Variants in GNG7 observed in about 807,000 individuals in gnomAD.
GNG7 encodes G protein subunit gamma 7.
Under a neutral mutation model 4.0 loss-of-function variants are expected in GNG7, and 1 was observed. The observed-to-expected ratio is 0.25, with a 90% CI of 0.09 to 1.18. The LOEUF (loss-of-function observed/expected upper bound fraction) is 1.18. Ranked by LOEUF, GNG7 falls within the 50% of genes most tolerant of loss-of-function variation. The pLI, the probability that GNG7 is intolerant of heterozygous loss-of-function variation, is 0.50. For synonymous variants in GNG7, 34 were observed against 36.9 expected (o/e 0.92, Z 0.29); for missense variants, 86 against 91.9 (o/e 0.94, Z 0.26).
At position 2,633,475 on chromosome 19, in the gene GNG7, G is replaced by A. The variant is rs905524800; in HGVS notation, c.-78+12749C>T. 3.4e-5 allele frequency among the ~76,000 whole-genome samples: 2 copies of A among 59,022 alleles called. No individual in the cohort carries two copies. Among genetic ancestry groups the A allele is most frequent in the Middle Eastern group, 0.012 (1 of 82 alleles). 38.7% of individuals were successfully genotyped at this position (59,022 alleles called of 152,430 possible). ...CAAGCGGTTGCTTAGCAACAGGCGC[G>A]CGCGCGCGCGCGCACACACACACAC... is the stretch of plus-strand genomic sequence containing the variant. On this transcript the variant is annotated intron_variant, in intron 2 of 4. Transcript: ENST00000382159. The surrounding 1 kb of genome is among the most constrained non-coding windows in gnomAD (Gnocchi z 5.9).
At chr19:2,558,831 T>C (rs908768871) in intron 2 of GNG7, among the ~76,000 whole-genome samples, 3 of 151,268 alleles carry the variant, frequency 2.0e-5, no homozygotes, top group Middle Eastern at 3.4e-3. Flanking sequence ...ACAGGTGTCA[T>C]TTTGTCACCC....
rs1555700507 is a variant in GNG7, at chr19:2,651,575, C to CTCTTTT, written c.-134-5296_-134-5295insAAAAGA. 9.0e-3 allele frequency among the ~76,000 whole-genome samples: 1,131 copies of CTCTTTT among 125,152 alleles called. 5 individuals carry two copies. Among genetic ancestry groups the CTCTTTT allele is most frequent in the Middle Eastern group, 0.026 (6 of 230 alleles). 82.1% of individuals were successfully genotyped at this position (125,152 alleles called of 152,430 possible). A position where few individuals can be genotyped will look rare whatever the true frequency, so the allele number is the denominator to read the frequency against. On this transcript the variant is annotated intron_variant, in intron 1 of 4. Transcript: ENST00000382159. Reference sequence around the variant, plus strand: ...TCCCTTTCTCTCTCTCTCTCTCTCTCTTTTTTTTTTAAGACAGTCTCACTC... The same window carrying CTCTTTT: ...TCCCTTTCTCTCTCTCTCTCTCTCTCTCTTTTTTTTTTTTTTAAGACAGTCTCACTC...
At chr19:2,559,433 C>G in intron 2 of GNG7, among the ~76,000 whole-genome samples, 1 of 151,358 alleles carries the variant, frequency 6.6e-6, no homozygotes, top group Non-Finnish European at 1.5e-5. Context: ...CTCACTGCAG[C>G]CTCAGTCTCC....
At chr19:2,668,907 C>T (rs1037490544) in intron 1 of GNG7, among the ~76,000 whole-genome samples, 7 of 152,210 alleles carry the variant, frequency 4.6e-5, no homozygotes, top group Middle Eastern at 3.4e-3. Flanking sequence ...ACCCCTCAAC[C>T]GCAAATGTCC....
At chr19:2,547,972 C>T (rs973474069) in intron 3 of GNG7, among the ~76,000 whole-genome samples, 3 of 152,318 alleles carry the variant, frequency 2.0e-5, no homozygotes, top group East Asian at 1.9e-4. Flanking sequence ...GGATGGACCT[C>T]GAGCCTGGGG....
chr19:2,667,454 A>C (rs1055975224), intron 1 of GNG7, among the ~76,000 whole-genome samples: 2 of 152,118 alleles, frequency 1.3e-5, no homozygotes. Flanking sequence ...TGTGCTCGCC[A>C]GAAAACCTCG....
chr19:2,599,806 G>T (rs2144810814), intron 2 of GNG7, among the ~76,000 whole-genome samples: 1 of 152,098 alleles, frequency 6.6e-6, no homozygotes, highest in East Asian at 1.9e-4. Context: ...GGGTGGTGGT[G>T]CTGGCCTGTG....
chr19:2,513,204 C>T lies in GNG7; in HGVS notation c.*1818G>A. On this transcript the variant is annotated 3_prime_UTR_variant, in exon 5 of 5. Coordinates refer to ENST00000382159, the MANE Select transcript of GNG7 (RefSeq NM_052847.3). ...GCAGTCACCAGCTCAGGAAGTGAGC[C>T]AAGCAGGGATCCCCGCCTCACGGGC... The T allele has an allele frequency of 1.1e-6, 1 of 884,930 alleles. No individual in the cohort carries two copies. Among genetic ancestry groups the T allele is most frequent in the South Asian group, 5.2e-5 (1 of 19,334 alleles). The allele number at this position is 884,930 out of a possible 1,614,324, so 54.8% of individuals were successfully genotyped here.
chr19:2,696,314 G>GAA (rs1203851479), intron 1 of GNG7, among the ~76,000 whole-genome samples: 1 of 125,694 alleles, frequency 8.0e-6, no homozygotes, highest in African/African-American at 3.3e-5. Context: ...AAGAAAGAAA[G>GAA]AAAGAAAGAA....
chr19:2,524,654 G>T (rs1403339393), intron 3 of GNG7, among the ~76,000 whole-genome samples: 5 of 152,250 alleles, frequency 3.3e-5, no homozygotes, highest in African/African-American at 4.8e-5. Flanking sequence ...ACATCTACGT[G>T]TGTGCGTCTG....
At chr19:2,556,645 C>G (rs1979553821) in intron 2 of GNG7, among the ~76,000 whole-genome samples, 1 of 152,154 alleles carries the variant, frequency 6.6e-6, no homozygotes, top group Admixed American at 6.5e-5. Flanking sequence ...GGCGGGAAGC[C>G]TCCTCACCTT....
At chr19:2,610,976 G>C (rs1436327641) in intron 2 of GNG7, 4 of 121,802 alleles carry the variant, frequency 3.3e-5, no homozygotes, top group African/African-American at 1.2e-4. Context: ...GCGGGTGGGA[G>C]GGGGGGAACG....
chr19:2,667,228 G>A (rs1352744418), intron 1 of GNG7, among the ~76,000 whole-genome samples: 2 of 151,842 alleles, frequency 1.3e-5, no homozygotes, highest in Non-Finnish European at 2.9e-5. Flanking sequence ...AGGCTGAGGC[G>A]GCAGAATCGC....
chr19:2,678,047 A>G (rs1258075181), intron 1 of GNG7, among the ~76,000 whole-genome samples: 2 of 152,112 alleles, frequency 1.3e-5, no homozygotes, highest in Non-Finnish European at 2.9e-5. Flanking sequence ...TAACCCTGCC[A>G]CCTGTGCTGA....
At chr19:2,696,184 A>AGGAGAGAGAGG (rs1324312741) in intron 1 of GNG7, among the ~76,000 whole-genome samples, 3 of 144,896 alleles carry the variant, frequency 2.1e-5, no homozygotes, top group South Asian at 4.4e-4. Context: ...AAAGAGAGAG[A>AGGAGAGAGAGG]GGAGAGAGAG....
chr19:2,682,504 A>T (rs1017671479), intron 1 of GNG7, among the ~76,000 whole-genome samples: 1 of 150,122 alleles, frequency 6.7e-6, no homozygotes, highest in Non-Finnish European at 1.5e-5. Flanking sequence ...CTCTACTAGA[A>T]ATACAAAAAT....
rs1363122383 is a variant in GNG7, at chr19:2,616,578, A to T, written c.-78+29646T>A. On this transcript the variant is annotated intron_variant, in intron 2 of 4. Transcript: ENST00000382159. ...GATCACCTCAGGTCAGGAGTTTGAG[A>T]CCAGCCTGACCAACAGGGAGAAACC... is the stretch of plus-strand genomic sequence containing the variant. Among the ~76,000 whole-genome samples the T allele has an allele frequency of 2.0e-5, 3 of 152,104 alleles. No individual in the cohort carries two copies. The East Asian group carries it at 5.8e-4, about 29-fold the overall frequency.
At position 2,514,959 on chromosome 19, in the gene GNG7, A is replaced by G. The variant is rs1972710259; in HGVS notation, c.*63T>C. On this transcript the variant is annotated 3_prime_UTR_variant, in exon 5 of 5. Transcript: ENST00000382159. ...CTGAATGATGCCCTGCCTGAGACAGAGACAGAGACAGAGAGAGAGAGAGAG... is the reference window on the plus strand; with the variant it reads ...CTGAATGATGCCCTGCCTGAGACAGGGACAGAGACAGAGAGAGAGAGAGAG... 19 of 1,348,178 alleles carry G rather than the reference A, an allele frequency of 1.4e-5. No individual in the cohort carries two copies. The highest frequency in any genetic ancestry group is 2.0e-5 in the Non-Finnish European group (19 of 947,142). 83.5% of individuals were successfully genotyped at this position (1,348,178 alleles called of 1,614,324 possible).
chr19:2,682,034 C>CT (rs1261919382), intron 1 of GNG7, among the ~76,000 whole-genome samples: 36 of 145,264 alleles, frequency 2.5e-4, no homozygotes, highest in East Asian at 6.1e-4. Flanking sequence ...CTCAGCCTCC[C>CT]AAGTAGCTGG....
Sources: allele counts gnomAD v4.1 joint callset (sites outside exome capture counted in the v4.1 genomes callset), GRCh38; gene constraint gnomAD v4.1.1; non-coding constraint Gnocchi (gnomAD v3.1); transcripts MANE v1.5; gene names NCBI Gene and HGNC (gene_info 2026-07-23, HGNC 2026-07-21).